DLG2: variants seen among roughly 807,000 people sequenced by gnomAD.
The protein encoded by DLG2 is discs large MAGUK scaffold protein 2.
Under a neutral mutation model 132.5 loss-of-function variants are expected in DLG2, and 45 were observed. The ratio of observed to expected loss-of-function variants is 0.34; its 90% confidence interval spans 0.27 to 0.44. The LOEUF (loss-of-function observed/expected upper bound fraction) is 0.44. Among genes scored for constraint, DLG2 ranks in the 20% least tolerant of loss-of-function variants. DLG2 has a pLI of 1.00. For missense variants in DLG2, 1,045 were observed against 1,196.9 expected (o/e 0.87, Z 1.87); for synonymous variants, 424 against 419.6 (o/e 1.01, Z -0.13).
intron 7 of DLG2, among the ~76,000 whole-genome samples, chr11:84,395,486 G>A (rs1291209416): frequency 1.3e-5 from 2 of 151,866 alleles, no homozygotes; most frequent in African/African-American, 2.4e-5. Flanking sequence ...TTGTGATCTC[G>A]GCTCACTGCA....
At chr11:85,486,131 T>G (rs561343451) in intron 3 of DLG2, among the ~76,000 whole-genome samples, 1 of 149,478 alleles carries the variant, frequency 6.7e-6, no homozygotes, top group South Asian at 2.1e-4. Context: ...ACTGGAGGTC[T>G]GCACCCTACC....
chr11:84,220,658 A>C (rs879439766), intron 8 of DLG2, among the ~76,000 whole-genome samples: 1 of 152,174 alleles, frequency 6.6e-6, no homozygotes, highest in African/African-American at 2.4e-5. Context: ...TAAAAGCTCA[A>C]TTATGTATAA....
chr11:85,549,645 C>T (rs1024183973), intron 3 of DLG2, among the ~76,000 whole-genome samples: 3 of 152,082 alleles, frequency 2.0e-5, no homozygotes, highest in African/African-American at 7.2e-5. Context: ...AGGCATTCTA[C>T]CAGGATGAGA....
At chr11:85,001,900 G>T (rs184816535) in intron 6 of DLG2, among the ~76,000 whole-genome samples, 21 of 152,178 alleles carry the variant, frequency 1.4e-4, no homozygotes, top group Admixed American at 1.3e-3. Context: ...TGGGGTATAT[G>T]GGAAATCTAT....
At chr11:83,556,891 G>T (rs1241592966) in intron 19 of DLG2, among the ~76,000 whole-genome samples, 1 of 152,298 alleles carries the variant, frequency 6.6e-6, no homozygotes, top group South Asian at 2.1e-4. Flanking sequence ...GAGGTAAAAG[G>T]CATTCAGGCT....
intron 17 of DLG2, among the ~76,000 whole-genome samples, chr11:83,792,210 T>C (rs2041762176): frequency 6.6e-6 from 1 of 152,220 alleles, no homozygotes; most frequent in Non-Finnish European, 1.5e-5. Context: ...AAAGTGTTTC[T>C]GAAGGATAAG....
At chr11:84,778,744 G>A (rs1323248410) in intron 6 of DLG2, among the ~76,000 whole-genome samples, 1 of 152,142 alleles carries the variant, frequency 6.6e-6, no homozygotes, top group East Asian at 1.9e-4. Flanking sequence ...GTTGCCAGAA[G>A]AGATTAACAT....
chr11:84,663,417 T>C (rs1034292796), intron 6 of DLG2, among the ~76,000 whole-genome samples: 1 of 152,038 alleles, frequency 6.6e-6, no homozygotes, highest in African/African-American at 2.4e-5. Context: ...TCAAACAAAT[T>C]AGAATCTATT....
At chr11:83,772,960 T>G (rs1594101425) in intron 18 of DLG2, among the ~76,000 whole-genome samples, 1 of 152,342 alleles carries the variant, frequency 6.6e-6, no homozygotes, top group East Asian at 1.9e-4. Context: ...ATTATTTTGA[T>G]TTTTGAACCC....
chr11:85,170,587 TATC>T (rs933255824), intron 4 of DLG2, among the ~76,000 whole-genome samples: 1 of 152,102 alleles, frequency 6.6e-6, no homozygotes, highest in Non-Finnish European at 1.5e-5. Flanking sequence ...TAATTTGAGG[TATC>T]ATGTTCTGAG....
At chr11:85,457,238 A>C (rs551956713) in intron 3 of DLG2, among the ~76,000 whole-genome samples, 5 of 148,966 alleles carry the variant, frequency 3.4e-5, no homozygotes, top group Admixed American at 3.4e-4. Context: ...GTCTGAAATT[A>C]GGACGTCAAC....
At chr11:85,407,787 T>C (rs1283138547) in intron 3 of DLG2, among the ~76,000 whole-genome samples, 4 of 151,860 alleles carry the variant, frequency 2.6e-5, no homozygotes, top group South Asian at 4.1e-4. Context: ...ATACTCCAAG[T>C]TGAGTCAGCC....
At chr11:85,414,511 C>A (rs1259688233) in intron 3 of DLG2, among the ~76,000 whole-genome samples, 1 of 151,844 alleles carries the variant, frequency 6.6e-6, no homozygotes, top group Non-Finnish European at 1.5e-5. Context: ...ATTTTGTGGC[C>A]TATCATATAG....
intron 9 of DLG2, among the ~76,000 whole-genome samples, chr11:84,132,912 A>C (rs1289907327): frequency 6.6e-6 from 1 of 152,048 alleles, no homozygotes; most frequent in East Asian, 1.9e-4. Context: ...GAAAATATCC[A>C]TGTGTCTTAA....
chr11:83,811,466 A>G (rs1295985261), intron 17 of DLG2, among the ~76,000 whole-genome samples: 1 of 152,110 alleles, frequency 6.6e-6, no homozygotes, highest in Non-Finnish European at 1.5e-5. Context: ...AATATCACTA[A>G]AAGAAAATTT....
intron 26 of DLG2, among the ~76,000 whole-genome samples, chr11:83,463,145 T>A (rs1205907940): frequency 6.6e-6 from 1 of 152,210 alleles, no homozygotes; most frequent in Non-Finnish European, 1.5e-5. Context: ...GGCTGTGTAT[T>A]TAACGAAGAG....
chr11:84,654,500 C>T (rs1045449752), intron 6 of DLG2, among the ~76,000 whole-genome samples: 1 of 152,160 alleles, frequency 6.6e-6, no homozygotes, highest in African/African-American at 2.4e-5. Context: ...GTAGCTTCTT[C>T]ACAGGATCAT....
chr11:84,530,272 C>G (rs1591656696), intron 7 of DLG2, among the ~76,000 whole-genome samples: 1 of 152,248 alleles, frequency 6.6e-6, no homozygotes, highest in East Asian at 1.9e-4. Context: ...ACAATTCTGA[C>G]AAAAACAAAA....
At chr11:84,524,840 T>G (rs900435470) in intron 7 of DLG2, among the ~76,000 whole-genome samples, 1 of 151,090 alleles carries the variant, frequency 6.6e-6, no homozygotes, top group Non-Finnish European at 1.5e-5. Context: ...ATGTAACTCA[T>G]AGGGTATTTC....
Sources: allele counts gnomAD v4.1 joint callset (sites outside exome capture counted in the v4.1 genomes callset), GRCh38; gene constraint gnomAD v4.1.1; transcripts MANE v1.5; gene names NCBI Gene and HGNC (gene_info 2026-07-23, HGNC 2026-07-21).